The following SPTBN4 variants were observed in gnomAD, a reference collection of about 807,000 sequenced individuals.
The protein encoded by SPTBN4 is spectrin beta chain, non-erythrocytic 4.
Under a neutral mutation model 277.8 loss-of-function variants are expected in SPTBN4, and 96 were observed. The observed-to-expected ratio is 0.35, with a 90% confidence interval of 0.29 to 0.41. SPTBN4 has a LOEUF of 0.41. SPTBN4 is among the 10% of genes least tolerant of loss of function. SPTBN4 has a pLI of 1.00. For missense variants in SPTBN4, 3,006 were observed against 3,595.7 expected, an observed-to-expected ratio of 0.84 and a Z score of 4.19; for synonymous variants, 1,481 against 1,580.3, an observed-to-expected ratio of 0.94 and a Z score of 1.49.
At position 40,573,823 on chromosome 19, in the gene SPTBN4, C is replaced by T. The variant is rs911587529; in HGVS notation, c.7536+1443C>T. On this transcript the variant is annotated intron_variant, in intron 35 of 35. Coordinates refer to ENST00000598249, the MANE Select transcript of SPTBN4 (RefSeq NM_020971.3). Reference sequence around the variant, plus strand: ...CATCTCAAAAACAAAATAAACAGGCCGGGCATGGTGGCTCACGCCTGTAAT... The same window carrying T: ...CATCTCAAAAACAAAATAAACAGGCTGGGCATGGTGGCTCACGCCTGTAAT... 2.1e-5 allele frequency among the ~76,000 whole-genome samples: 3 copies of T among 142,634 alleles called. No individual in the cohort carries two copies. The Admixed American group carries it at 2.1e-4, about 10-fold the overall frequency. 93.6% of individuals were successfully genotyped at this position (142,634 alleles called of 152,430 possible). A position where few individuals can be genotyped will look rare whatever the true frequency, so the allele number is the denominator to read the frequency against.
In SPTBN4 at chr19:40,519,721, G is replaced by T. The variant is rs2080502471; in HGVS notation, c.3224G>T (p.Ser1075Ile). 1 of 1,398,474 alleles carries T rather than the reference G, an allele frequency of 7.2e-7. No homozygotes were observed. The highest frequency in any genetic ancestry group is 3.0e-5 in the East Asian group (1 of 33,298). The allele number at this position is 1,398,474 out of a possible 1,614,324, so 86.6% of individuals were successfully genotyped here. A position where few individuals can be genotyped will look rare whatever the true frequency, so the allele number is the denominator to read the frequency against. Residue 1075 changes from serine to isoleucine, a missense_variant, in exon 16 of 36, where the codon AGC (serine) becomes ATC (isoleucine). Coordinates refer to ENST00000598249, the MANE Select transcript of SPTBN4 (RefSeq NM_020971.3). The surrounding 1 kb of genome is among the most constrained non-coding windows in gnomAD (Gnocchi z 5.7). Reference sequence around the variant, plus strand: ...GGCGCCGAGTGGGGCGCGCTAGCTAGCGCGGCTCAGGCCTGCGGCGAGGCG... The same window carrying T: ...GGCGCCGAGTGGGGCGCGCTAGCTATCGCGGCTCAGGCCTGCGGCGAGGCG... Reference protein sequence around the residue: ...ELGAEWGALASAAQACGEAVA... With the variant: ...ELGAEWGALAIAAQACGEAVA...
At position 40,554,752 on chromosome 19, in the gene SPTBN4, C is replaced by T; in HGVS notation, c.5084+106C>T. On this transcript the variant is annotated intron_variant, in intron 24 of 35. Transcript: ENST00000598249. The surrounding 1 kb of genome is among the most constrained non-coding windows in gnomAD (Gnocchi z 5.7). ...AATTGGACGTTGGGTGGGAGAGGTC[C>T]TCCTTGCTGTGTGCTGGAGCCCTCG... is the stretch of plus-strand genomic sequence containing the variant. 1 of 1,512,734 alleles carries T rather than the reference C, an allele frequency of 6.6e-7. No individual in the cohort carries two copies. The highest frequency in any genetic ancestry group is 8.9e-7 in the Non-Finnish European group (1 of 1,121,064). 93.7% of individuals were successfully genotyped at this position (1,512,734 alleles called of 1,614,324 possible). A position where few individuals can be genotyped will look rare whatever the true frequency, so the allele number is the denominator to read the frequency against.
chr19:40,492,035 A>C (rs2080143348), intron 4 of SPTBN4, among the ~76,000 whole-genome samples: 1 of 139,014 alleles, frequency 7.2e-6, no homozygotes, highest in African/African-American at 3.1e-5. Context: ...AAAAACAAAA[A>C]CAAAACAAAA....
At chr19:40,545,053 C>G (rs896054871) in intron 20 of SPTBN4, among the ~76,000 whole-genome samples, 3 of 151,420 alleles carry the variant, frequency 2.0e-5, no homozygotes, top group African/African-American at 7.3e-5. Context: ...TGCATCTGTG[C>G]CAGTATTTCT....
intron 22 of SPTBN4, among the ~76,000 whole-genome samples, chr19:40,552,985 G>C (rs962895351): frequency 1.3e-5 from 2 of 152,172 alleles, no homozygotes; most frequent in South Asian, 4.1e-4. Flanking sequence ...ACCCCGCAAG[G>C]TAGATTATCT....
chr19:40,508,815 A>C (rs1186126750), intron 13 of SPTBN4, among the ~76,000 whole-genome samples: 7 of 151,694 alleles, frequency 4.6e-5, no homozygotes, highest in Admixed American at 2.6e-4. Context: ...TATGGGGGTG[A>C]CTAGGTGATT....
Position 40,520,106 on chromosome 19 carries a change from C to T in SPTBN4, c.3609C>T (p.Leu1203=). Residue 1203 remains leucine, a synonymous_variant, in exon 16 of 36, where the codon CTC becomes CTT. Coordinates refer to ENST00000598249, the MANE Select transcript of SPTBN4 (RefSeq NM_020971.3). The part of the protein sequence containing the change: ...EALVQAHIYQ[L]FLRDLRQALV... ...TGGTCCAGGCGCACATCTACCAGCT[C>T]TTCCTGCGGGATCTACGCCAGGCGC... The T allele has an allele frequency of 6.8e-7, 1 of 1,472,644 alleles. No individual in the cohort carries two copies. The highest frequency in any genetic ancestry group is 9.0e-7 in the Non-Finnish European group (1 of 1,113,916). 91.2% of individuals were successfully genotyped at this position (1,472,644 alleles called of 1,614,324 possible). A position where few individuals can be genotyped will look rare whatever the true frequency, so the allele number is the denominator to read the frequency against.
intron 35 of SPTBN4, 130 bp from the exon 36 acceptor site, chr19:40,575,281 T>A: frequency 9.4e-7 from 1 of 1,063,118 alleles, no homozygotes; most frequent in Non-Finnish European, 1.3e-6. Context: ...TGTAACTGCA[T>A]CATCATCATC....
intron 12 of SPTBN4, among the ~76,000 whole-genome samples, 172 bp from the exon 13 acceptor site, chr19:40,506,064 G>C (rs1293676464): frequency 6.6e-6 from 1 of 152,200 alleles, no homozygotes; most frequent in East Asian, 1.9e-4. Flanking sequence ...AGGAAACCGA[G>C]GTCCAGGCCA....
At chr19:40,494,784 C>G in intron 5 of SPTBN4, 113 bp from the exon 6 acceptor site, 1 of 875,566 alleles carries the variant, frequency 1.1e-6, no homozygotes, top group Non-Finnish European at 1.8e-6. Flanking sequence ...CTATGTTCTA[C>G]CCCCTCTCTC....
intron 25 of SPTBN4, among the ~76,000 whole-genome samples, 199 bp downstream of exon 25, chr19:40,556,487 T>C (rs2080980442): frequency 6.6e-6 from 1 of 152,202 alleles, no homozygotes; most frequent in Admixed American, 6.5e-5. Flanking sequence ...GTTATTATTA[T>C]CAGCTTATTA....
intron 17 of SPTBN4, among the ~76,000 whole-genome samples, chr19:40,528,168 TG>T (rs1477423812): frequency 6.6e-6 from 1 of 151,002 alleles, no homozygotes; most frequent in Non-Finnish European, 1.5e-5. Flanking sequence ...TCTCTCTCCC[TG>T]GGGGAGACAG....
At chr19:40,562,393 T>A (rs540374327) in intron 27 of SPTBN4, among the ~76,000 whole-genome samples, 1 of 151,714 alleles carries the variant, frequency 6.6e-6, no homozygotes, top group African/African-American at 2.4e-5. Context: ...AGCTGGGTGT[T>A]GTGGCATGTG....
In SPTBN4 at chr19:40,497,673, T is replaced by G. The variant is rs1240714694; in HGVS notation, c.784+69T>G. Reference sequence around the variant, plus strand: ...TCCCAACCCCAATGCCATGTCACACTCAACTCCATCCCACCCCAGCACCAT... The same window carrying G: ...TCCCAACCCCAATGCCATGTCACACGCAACTCCATCCCACCCCAGCACCAT... On this transcript the variant is annotated intron_variant, in intron 7 of 35. Coordinates refer to ENST00000598249, the MANE Select transcript of SPTBN4 (RefSeq NM_020971.3). 3 of 1,268,886 alleles carry G rather than the reference T, an allele frequency of 2.4e-6. No individual in the cohort carries two copies. The African/African-American group carries it at 4.4e-5, about 19-fold the overall frequency. The allele number at this position is 1,268,886 out of a possible 1,614,324, so 78.6% of individuals were successfully genotyped here.
In SPTBN4 at chr19:40,492,892, G is replaced by A; in HGVS notation, c.496-71G>A. The A allele has an allele frequency of 5.1e-6, 7 of 1,367,954 alleles. No individual in the cohort carries two copies. The South Asian group carries it at 8.3e-5, about 16-fold the overall frequency. 84.7% of individuals were successfully genotyped at this position (1,367,954 alleles called of 1,614,324 possible). A position where few individuals can be genotyped will look rare whatever the true frequency, so the allele number is the denominator to read the frequency against. Reference sequence around the variant, plus strand: ...TCACCTGCCACCTTCTCTGGTAGCAGATGGTGAGTGGGGGGCATTCGAAGC... The same window carrying A: ...TCACCTGCCACCTTCTCTGGTAGCAAATGGTGAGTGGGGGGCATTCGAAGC... On this transcript the variant is annotated intron_variant, in intron 4 of 35. Coordinates refer to ENST00000598249, the MANE Select transcript of SPTBN4 (RefSeq NM_020971.3).
At position 40,490,123 on chromosome 19, in the gene SPTBN4, G is replaced by A. The variant is rs1316731871; in HGVS notation, c.370G>A (p.Asp124Asn). 3 of 1,613,964 alleles carry A rather than the reference G, an allele frequency of 1.9e-6. No individual in the cohort carries two copies. In the South Asian group the frequency reaches 3.3e-5, roughly 18 times the overall value. ...GCGGATCCACTCACTGGAGAACGTG[G>A]ACAAGGCGCTGCAGTTTCTGAAGGA... Reference protein sequence around the residue: ...RMRIHSLENVDKALQFLKEQR... With the variant: ...RMRIHSLENVNKALQFLKEQR... The change falls in exon 4 of 36, where the codon GAC becomes AAC. Residue 124 changes from aspartate to asparagine, a missense_variant. By Grantham distance (23) the Asp-to-Asn change is conservative. Coordinates refer to ENST00000598249, the MANE Select transcript of SPTBN4 (RefSeq NM_020971.3). This position sits in a 1 kb window ranked among gnomAD's most constrained non-coding sequence, Gnocchi z 4.3.
At chr19:40,475,961 T>G (rs1026686931) in intron 2 of SPTBN4, among the ~76,000 whole-genome samples, 34 of 151,294 alleles carry the variant, frequency 2.2e-4, no homozygotes, top group Non-Finnish European at 2.4e-4. Flanking sequence ...TGGGAGAATC[T>G]CCTGAGCCCG....
intron 1 of SPTBN4, among the ~76,000 whole-genome samples, chr19:40,471,256 A>G (rs1050045671): frequency 3.3e-5 from 5 of 152,128 alleles, no homozygotes; most frequent in African/African-American, 9.7e-5. Flanking sequence ...CCTATCATCT[A>G]TGTTTGAATC....
chr19:40,492,046 A>C (rs557115040), intron 4 of SPTBN4, among the ~76,000 whole-genome samples: 52 of 151,072 alleles, frequency 3.4e-4, no homozygotes, highest in Admixed American at 1.5e-3. Flanking sequence ...CAAAACAAAA[A>C]AAAAAACAAA....
Sources: allele counts gnomAD v4.1 joint callset (sites outside exome capture counted in the v4.1 genomes callset), GRCh38; gene constraint gnomAD v4.1.1; non-coding constraint Gnocchi (gnomAD v3.1); transcripts MANE v1.5; gene names NCBI Gene and HGNC (gene_info 2026-07-23, HGNC 2026-07-21).